The following HECW1 variants were observed in gnomAD, a reference collection of about 807,000 sequenced individuals.
HECW1 encodes the protein HECT, C2 and WW domain containing E3 ubiquitin protein ligase 1.
In HECW1, 61 loss-of-function variants were observed where a neutral mutation model predicts 182.3. The ratio of observed to expected loss-of-function variants is 0.33; its 90% CI spans 0.27 to 0.41. The LOEUF is 0.41. Ranked by LOEUF, HECW1 falls within the 10% of genes least tolerant of loss-of-function variation. The probability of loss-of-function intolerance (pLI) is 1.00; values close to 1 mark genes in which losing one functional copy is unlikely to be tolerated. For missense variants in HECW1, 1,739 were observed against 2,108.9 expected, an observed-to-expected ratio of 0.82 and a Z score of 3.44; for synonymous variants, 859 against 832.6, an observed-to-expected ratio of 1.03 and a Z score of -0.55.
chr7:43,212,808 A>G (rs1459034460), intron 2 of HECW1, among the ~76,000 whole-genome samples: 1 of 152,208 alleles, frequency 6.6e-6, no homozygotes, highest in Non-Finnish European at 1.5e-5. Flanking sequence ...GTACATTAAC[A>G]CATTTATCTG....
chr7:43,554,497 C>T (rs2081955804), intron 28 of HECW1, 95 bp from the exon 29 acceptor site: 2 of 1,085,542 alleles, frequency 1.8e-6, no homozygotes, highest in Admixed American at 4.2e-5. Flanking sequence ...CGGTTCCGTT[C>T]CTATCATACC....
At chr7:43,482,536 A>G (rs1481095148) in intron 17 of HECW1, among the ~76,000 whole-genome samples, 1 of 152,180 alleles carries the variant, frequency 6.6e-6, no homozygotes, top group Non-Finnish European at 1.5e-5. Context: ...AAATCAGAAT[A>G]TGGTTGAGTG....
rs1220457615 is a variant in HECW1, at chr7:43,463,787, C to T, written c.2779C>T (p.Gln927Ter). ...GAGTGACTCAGAAGCCGAATCTTCC[C>T]AGTCCAGCTTAGGTATTGGAGGAGG... ...GGSDSEAESSQSSLDLRREGS... is the reference protein window; with the variant it reads ...GGSDSEAESS The change falls in exon 14 of 30, where the codon CAG (glutamine) becomes TAG (stop). Residue 927 changes from glutamine to a stop codon, truncating the protein, a stop_gained. Coordinates refer to ENST00000395891, the MANE Select transcript of HECW1 (RefSeq NM_015052.5). LOFTEE classifies it high-confidence loss of function. 6.2e-7 allele frequency: 1 copy of T among 1,613,944 alleles called. No individual in the cohort carries two copies. The highest frequency in any genetic ancestry group is 8.5e-7 in the Non-Finnish European group (1 of 1,179,974).
intron 3 of HECW1, among the ~76,000 whole-genome samples, chr7:43,262,498 C>G (rs1426789376): frequency 6.6e-6 from 1 of 152,090 alleles, no homozygotes; most frequent in Non-Finnish European, 1.5e-5. Flanking sequence ...AGATGAGATT[C>G]AGACCCAGTC....
intron 2 of HECW1, among the ~76,000 whole-genome samples, chr7:43,196,418 C>G (rs1794464471): frequency 6.6e-6 from 1 of 152,138 alleles, no homozygotes; most frequent in African/African-American, 2.4e-5. Flanking sequence ...CAATCAGTGT[C>G]TAGGGTTTAT....
intron 11 of HECW1, among the ~76,000 whole-genome samples, chr7:43,446,001 A>G (rs931097778): frequency 6.6e-6 from 1 of 152,246 alleles, no homozygotes; most frequent in Non-Finnish European, 1.5e-5. Context: ...CACATGGAAG[A>G]TTAGCAATAG....
At chr7:43,428,901 G>A (rs956491704) in intron 8 of HECW1, among the ~76,000 whole-genome samples, 13 of 151,732 alleles carry the variant, frequency 8.6e-5, no homozygotes, top group Admixed American at 7.9e-4. Context: ...TATACATATG[G>A]ATATAAATAT....
chr7:43,461,605 C>T (rs1191835061), intron 13 of HECW1, among the ~76,000 whole-genome samples: 2 of 152,194 alleles, frequency 1.3e-5, no homozygotes, highest in Admixed American at 6.5e-5. Context: ...GCCATGGCTA[C>T]ATTCCCTGAG....
In HECW1 at chr7:43,293,207, G is replaced by A. The variant is rs1451639557; in HGVS notation, c.28-18556G>A. 1.4e-4 allele frequency among the ~76,000 whole-genome samples: 18 copies of A among 124,562 alleles called. No individual in the cohort carries two copies. The East Asian group carries it at 2.5e-3, about 17-fold the overall frequency. The allele number at this position is 124,562 out of a possible 152,430, so 81.7% of individuals were successfully genotyped here. On this transcript the variant is annotated intron_variant, in intron 3 of 29. Transcript: ENST00000395891. ...TGCGCTCCAGCCTGGGCGACACAGC[G>A]AGACTATGTCTCAAAAAAAAAAAAA...
intron 2 of HECW1, among the ~76,000 whole-genome samples, chr7:43,238,355 T>G (rs1438728334): frequency 1.3e-5 from 2 of 152,038 alleles, no homozygotes; most frequent in East Asian, 3.9e-4. Context: ...GGACCCAGCT[T>G]GACTTCTCAT....
chr7:43,251,686 G>A (rs1330809532), intron 3 of HECW1, among the ~76,000 whole-genome samples: 1 of 152,092 alleles, frequency 6.6e-6, no homozygotes, highest in Non-Finnish European at 1.5e-5. Flanking sequence ...GGAGTTACGG[G>A]TTCATTACAC....
At chr7:43,169,345 G>A (rs921118757) in intron 2 of HECW1, among the ~76,000 whole-genome samples, 1 of 152,206 alleles carries the variant, frequency 6.6e-6, no homozygotes, top group African/African-American at 2.4e-5. Context: ...GCATGGCAGG[G>A]TGTGACACAG....
At chr7:43,248,057 AAGGAAGGG>A (rs976134769) in intron 3 of HECW1, among the ~76,000 whole-genome samples, 3 of 135,686 alleles carry the variant, frequency 2.2e-5, no homozygotes, top group African/African-American at 8.0e-5. Flanking sequence ...GAGAGGAAGG[AAGGAAGGG>A]AGGGAGGGAG....
chr7:43,196,562 C>T (rs530763177), intron 2 of HECW1, among the ~76,000 whole-genome samples: 1 of 152,302 alleles, frequency 6.6e-6, no homozygotes, highest in East Asian at 1.9e-4. Context: ...AGGGTAACTG[C>T]ATATGCATGA....
At chr7:43,210,556 G>C (rs112862656) in intron 2 of HECW1, among the ~76,000 whole-genome samples, 2 of 152,060 alleles carry the variant, frequency 1.3e-5, no homozygotes, top group Non-Finnish European at 2.9e-5. Flanking sequence ...CAAGCCTCGT[G>C]TTCGCTAACC....
At chr7:43,550,650 T>G (rs1303325302) in intron 27 of HECW1, 59 bp downstream of exon 27, 1 of 1,509,788 alleles carries the variant, frequency 6.6e-7, no homozygotes, top group African/African-American at 1.4e-5. Flanking sequence ...TCACGGGGCC[T>G]CATCCTCCAG....
In HECW1 at chr7:43,134,353, C is replaced by T. The variant is rs928461710; in HGVS notation, c.-32+19962C>T. Among the ~76,000 whole-genome samples, 9 of 124,936 alleles carry T rather than the reference C, an allele frequency of 7.2e-5. No individual in the cohort carries two copies. In the East Asian group the frequency reaches 1.5e-3, roughly 21 times the overall value. The allele number at this position is 124,936 out of a possible 152,430, so 82.0% of individuals were successfully genotyped here. A position where few individuals can be genotyped will look rare whatever the true frequency, so the allele number is the denominator to read the frequency against. On this transcript the variant is annotated intron_variant, in intron 2 of 29. Coordinates refer to ENST00000395891, the MANE Select transcript of HECW1 (RefSeq NM_015052.5). ...AGGTTGCAGTGAGCCGAGATTGCAC[C>T]ATTGCACTCCAGTGTGGGTAAGAGA...
At chr7:43,423,587 T>G (rs538818844) in intron 8 of HECW1, among the ~76,000 whole-genome samples, 95 of 152,272 alleles carry the variant, frequency 6.2e-4, no homozygotes, top group African/African-American at 2.2e-3. Context: ...GCAGTGAAAC[T>G]CCTTGAAAAC....
rs567182504 is a variant in HECW1, at chr7:43,368,679, A to T, written c.555+7699A>T. On this transcript the variant is annotated intron_variant, in intron 6 of 29. Transcript: ENST00000395891. ...AACATTAAGGAATCTGTTCAGTTTGAGGGGAAGAGGTCCAGAGCTCACACT... is the reference window on the plus strand; with the variant it reads ...AACATTAAGGAATCTGTTCAGTTTGTGGGGAAGAGGTCCAGAGCTCACACT... 1.3e-3 allele frequency among the ~76,000 whole-genome samples: 197 copies of T among 152,264 alleles called. 2 individuals are homozygous for T. Among genetic ancestry groups the T allele is most frequent in the African/African-American group, 4.6e-3 (193 of 41,548 alleles).
Sources: gnomAD v4.1 joint callset for allele counts (sites outside exome capture counted in the v4.1 genomes callset) on GRCh38, gnomAD v4.1.1 for gene constraint, MANE v1.5 for transcripts, NCBI Gene and HGNC (gene_info 2026-07-23, HGNC 2026-07-21) for gene names.